RUBCN: variants seen among roughly 807,000 people sequenced by gnomAD.
RUBCN encodes rubicon autophagy regulator.
A neutral mutation model predicts 113.2 loss-of-function variants in RUBCN; 74 were observed. The observed-to-expected ratio is 0.65, with a 90% CI of 0.54 to 0.79. The LOEUF is 0.79. Ranked by LOEUF, RUBCN falls within the 30% of genes least tolerant of loss-of-function variation. The probability of loss-of-function intolerance (pLI) is 0.00; values close to 1 mark genes in which losing one functional copy is unlikely to be tolerated. For missense variants in RUBCN, 1,109 were observed against 1,251.7 expected (o/e 0.89, Z 1.72); for synonymous variants, 480 against 490.0 (o/e 0.98, Z 0.27).
intron 17 of RUBCN, 82 bp from the exon 18 acceptor site, chr3:197,677,120 T>C (rs1162642897): frequency 4.8e-6 from 7 of 1,454,130 alleles, no homozygotes; most frequent in Non-Finnish European, 6.7e-6. Flanking sequence ...ATCCAGAAAC[T>C]GCAGAAAGTA....
intron 6 of RUBCN, 133 bp downstream of exon 6, chr3:197,701,575 T>C (rs1436790879): frequency 1.3e-6 from 1 of 754,852 alleles, no homozygotes; most frequent in East Asian, 2.7e-5. Context: ...CTATATAACT[T>C]GTAAAGATGT....
rs1393636217 is a variant in RUBCN, at chr3:197,676,124, G to A, written c.2647-609C>T. Reference sequence around the variant, plus strand: ...GAGGAATACATAAAGTATACAAAACGCTGTCATACAAATTACCCCATCAAC... The same window carrying A: ...GAGGAATACATAAAGTATACAAAACACTGTCATACAAATTACCCCATCAAC... On this transcript the variant is annotated intron_variant, in intron 18 of 19. Transcript: ENST00000296343. The A allele has an allele frequency of 1.8e-5, 16 of 877,510 alleles. No homozygotes were observed. In the South Asian group the frequency reaches 4.6e-4, roughly 25 times the overall value. 54.4% of individuals were successfully genotyped at this position (877,510 alleles called of 1,614,324 possible).
intron 7 of RUBCN, among the ~76,000 whole-genome samples, chr3:197,698,714 C>A (rs1389108000): frequency 2.6e-5 from 4 of 151,140 alleles, no homozygotes. Flanking sequence ...AAATTCTGGG[C>A]CAGGTGTGGT....
At chr3:197,705,304 A>G (rs2108918985) in intron 2 of RUBCN, 129 bp from the exon 3 acceptor site, 1 of 821,118 alleles carries the variant, frequency 1.2e-6, no homozygotes, top group Middle Eastern at 2.2e-4. Flanking sequence ...CTTAGCAGCA[A>G]TCAAAGGATA....
At chr3:197,700,395 C>A (rs1723509194) in intron 7 of RUBCN, 1 of 594,660 alleles carries the variant, frequency 1.7e-6, no homozygotes, top group African/African-American at 1.9e-5. Context: ...TCCAGGAAAA[C>A]ATTTAATATT....
intron 1 of RUBCN, among the ~76,000 whole-genome samples, chr3:197,730,885 C>CTTTTTTTTTTTTTTTTTTTTT (rs71166707): frequency 1.4e-4 from 7 of 50,006 alleles, no homozygotes; most frequent in East Asian, 6.6e-4. Flanking sequence ...TTAAAAGCAT[C>CTTTTTTTTTTTTTTTTTTTTT]TTTTTTTTTT....
At chr3:197,749,613 C>G in exon 1 of RUBCN, 1 of 1,092,610 alleles carries the variant, frequency 9.2e-7, no homozygotes, top group South Asian at 1.3e-5. Flanking sequence ...ACTCGAAGGA[C>G]ACGGAGGATT....
chr3:197,688,631 T>C (rs1469493243), intron 11 of RUBCN, among the ~76,000 whole-genome samples: 1 of 152,136 alleles, frequency 6.6e-6, no homozygotes, highest in Non-Finnish European at 1.5e-5. Flanking sequence ...GCAGCTATAA[T>C]AGAAGAAGAT....
At chr3:197,703,478 T>G in intron 5 of RUBCN, 70 bp downstream of exon 5, 2 of 922,300 alleles carry the variant, frequency 2.2e-6, no homozygotes, top group South Asian at 2.7e-5. Flanking sequence ...AAAAGTTTGC[T>G]GTAGAGGGCT....
At position 197,675,118 on chromosome 3, in the gene RUBCN, T is replaced by C; in HGVS notation, c.2819A>G (p.Glu940Gly). The change falls in exon 20 of 20, where the codon GAG becomes GGG. Residue 940 changes from glutamate (E) to glycine (G), a missense_variant. By Grantham distance (98) the Glu-to-Gly change is moderately conservative (BLOSUM62 -2). Around this residue, in one of 3 missense-constraint regions of RUBCN, gnomAD observed 306 missense variants for 348.9 expected, o/e 0.88. Transcript: ENST00000296343. The surrounding 1 kb of genome is among the most constrained non-coding windows in gnomAD (Gnocchi z 4.4). ...PRCERLQARR[E>G]ALARQSLESY... ...CTCCAGGCTCTGCCTGGCCAGTGCCTCCCGCCGGGCCTGCAGCCGCTCGCA... is the reference window on the plus strand; with the variant it reads ...CTCCAGGCTCTGCCTGGCCAGTGCCCCCCGCCGGGCCTGCAGCCGCTCGCA... 6.2e-7 allele frequency: 1 copy of C among 1,613,578 alleles called. No homozygotes were observed. The highest frequency in any genetic ancestry group is 1.1e-5 in the South Asian group (1 of 91,072).
At chr3:197,710,187 A>T (rs1357331570) in intron 2 of RUBCN, among the ~76,000 whole-genome samples, 1 of 151,212 alleles carries the variant, frequency 6.6e-6, no homozygotes, top group Non-Finnish European at 1.5e-5. Flanking sequence ...AAAAAAAATC[A>T]CACAGTAGAA....
intron 2 of RUBCN, among the ~76,000 whole-genome samples, chr3:197,711,183 A>T (rs1299202069): frequency 6.6e-6 from 1 of 152,234 alleles, no homozygotes; most frequent in East Asian, 1.9e-4. Flanking sequence ...TAGCTATCAA[A>T]ATATCAAATG....
At chr3:197,700,504 C>A in intron 7 of RUBCN, 109 bp downstream of exon 7, 1 of 1,041,220 alleles carries the variant, frequency 9.6e-7, no homozygotes, top group Non-Finnish European at 1.5e-6. Flanking sequence ...TGTTGTATCA[C>A]CAGAAACAGA....
intron 2 of RUBCN, among the ~76,000 whole-genome samples, chr3:197,711,934 T>C (rs978089549): frequency 2.0e-5 from 3 of 152,172 alleles, no homozygotes; most frequent in African/African-American, 4.8e-5. Flanking sequence ...GTGGTGACTA[T>C]CGCTTGGTGT....
rs934569391 is a variant in RUBCN at position 197,674,052 on chromosome 3, A to G, written c.*966T>C. 1 of 152,336 alleles carries G rather than the reference A, an allele frequency of 6.6e-6. No homozygotes were observed. The highest frequency in any genetic ancestry group is 2.4e-5 in the African/African-American group (1 of 41,450). 9.4% of individuals were successfully genotyped at this position (152,336 alleles called of 1,614,324 possible). Reference sequence around the variant, plus strand: ...AAGCACAACGACCATCTAACAGAGGACAGAGTCATCAGGGACACGCTAAGA... The same window carrying G: ...AAGCACAACGACCATCTAACAGAGGGCAGAGTCATCAGGGACACGCTAAGA... On this transcript the variant is annotated 3_prime_UTR_variant, in exon 20 of 20. Coordinates refer to ENST00000296343, the MANE Select transcript of RUBCN (RefSeq NM_014687.4).
intron 2 of RUBCN, among the ~76,000 whole-genome samples, chr3:197,710,406 G>A (rs1724825232): frequency 1.3e-5 from 2 of 151,980 alleles, no homozygotes; most frequent in South Asian, 4.1e-4. Flanking sequence ...TTCAAGACCA[G>A]CCTGACCAAC....
intron 18 of RUBCN, chr3:197,676,309 CCT>C: frequency 1.0e-6 from 1 of 998,182 alleles, no homozygotes; most frequent in Non-Finnish European, 1.2e-6. Context: ...CCAGAGCTCT[CCT>C]CTCACATCAT....
At chr3:197,719,763 T>TA (rs1299107769) in intron 1 of RUBCN, among the ~76,000 whole-genome samples, 6 of 152,222 alleles carry the variant, frequency 3.9e-5, no homozygotes, top group African/African-American at 9.6e-5. Context: ...AAAACTTCTG[T>TA]AAAAAATTGA....
chr3:197,677,434 G>A (rs1281671878), intron 17 of RUBCN, 46 bp downstream of exon 17: 15 of 1,525,652 alleles, frequency 9.8e-6, no homozygotes, highest in East Asian at 6.7e-5. Context: ...TGTCCCTTTC[G>A]GAGACAGCAA....
Sources: gnomAD v4.1 joint callset for allele counts (sites outside exome capture counted in the v4.1 genomes callset) on GRCh38, gnomAD v4.1.1 for gene constraint, gnomAD v4.1.1 regional missense constraint, Gnocchi (gnomAD v3.1) non-coding constraint, MANE v1.5 for transcripts, NCBI Gene and HGNC (gene_info 2026-07-23, HGNC 2026-07-21) for gene names.